The following ABCC4 variants were observed in gnomAD, a reference collection of about 807,000 sequenced individuals.
ABCC4 encodes ATP binding cassette subfamily C member 4 (PEL blood group), also known as ATP-binding cassette sub-family C member 4.
A neutral mutation model predicts 168.5 loss-of-function variants in ABCC4; 102 were observed. The observed-to-expected ratio is 0.61, with a 90% CI of 0.52 to 0.71. ABCC4 has a LOEUF of 0.71. Ranked by LOEUF, ABCC4 falls within the 30% of genes least tolerant of loss-of-function variation. The probability of loss-of-function intolerance (pLI) is 0.00; values close to 1 mark genes in which losing one functional copy is unlikely to be tolerated. For missense variants in ABCC4, 1,402 were observed against 1,605.8 expected (o/e 0.87, Z 2.17); for synonymous variants, 617 against 590.7 (o/e 1.04, Z -0.65).
intron 20 of ABCC4, among the ~76,000 whole-genome samples, chr13:95,099,061 C>T (rs571953027): frequency 1.8e-4 from 28 of 152,282 alleles, no homozygotes; most frequent in Non-Finnish European, 3.2e-4. Context: ...ATGTAGTGTA[C>T]CCATAAACAC....
At chr13:95,277,769 A>G (rs2041008680) in intron 1 of ABCC4, among the ~76,000 whole-genome samples, 1 of 152,048 alleles carries the variant, frequency 6.6e-6, no homozygotes, top group Admixed American at 6.6e-5. Flanking sequence ...TTACAGAAAA[A>G]TCCTTAATGA....
At chr13:95,154,116 G>C (rs1479314326) in intron 19 of ABCC4, among the ~76,000 whole-genome samples, 3 of 152,168 alleles carry the variant, frequency 2.0e-5, no homozygotes, top group Non-Finnish European at 4.4e-5. Flanking sequence ...CATTATGATT[G>C]ATGCAATCTT....
intron 26 of ABCC4, among the ~76,000 whole-genome samples, chr13:95,054,705 T>C (rs1392748660): frequency 6.6e-6 from 1 of 152,164 alleles, no homozygotes; most frequent in African/African-American, 2.4e-5. Flanking sequence ...GGTGAGACTC[T>C]TCCACAGGTA....
chr13:95,217,448 G>T (rs1244803908), intron 4 of ABCC4, among the ~76,000 whole-genome samples: 1 of 152,084 alleles, frequency 6.6e-6, no homozygotes, highest in Non-Finnish European at 1.5e-5. Context: ...AACAGAAGAT[G>T]CGGCTGGGCA....
At position 95,044,283 on chromosome 13, in the gene ABCC4, C is replaced by A. The variant is rs145958534; in HGVS notation, c.3612G>T (p.Thr1204=). ...CTTTATACCTTGGATCCACATTTGC[C>A]GTCGCTTCATCAATAATCAATATCT... ...KNQILIIDEA[T]ANVDPRTDEL... Residue 1204 remains threonine, a synonymous_variant, in exon 28 of 31, where the codon ACG becomes ACT. Coordinates refer to ENST00000645237, the MANE Select transcript of ABCC4 (RefSeq NM_005845.5). 6.2e-6 allele frequency: 10 copies of A among 1,611,586 alleles called. No homozygotes were observed. The African/African-American group carries it at 1.3e-4, about 22-fold the overall frequency.
At chr13:95,219,197 C>T (rs924563243) in intron 4 of ABCC4, among the ~76,000 whole-genome samples, 16 of 152,312 alleles carry the variant, frequency 1.1e-4, no homozygotes, top group Admixed American at 9.8e-4. Context: ...CACATCCCCC[C>T]ACCATGGCTG....
chr13:95,134,719 C>CA (rs780942539), intron 19 of ABCC4, among the ~76,000 whole-genome samples: 2 of 151,076 alleles, frequency 1.3e-5, no homozygotes, highest in Non-Finnish European at 2.9e-5. Context: ...GACTCTGTCT[C>CA]AAAAAAATTT....
At chr13:95,222,582 C>T (rs898846101) in intron 4 of ABCC4, among the ~76,000 whole-genome samples, 5 of 152,124 alleles carry the variant, frequency 3.3e-5, no homozygotes, top group South Asian at 4.1e-4. Context: ...AGGTCAAGGC[C>T]GCCCAAGCCT....
At chr13:95,235,907 CA>C (rs935184579) in intron 3 of ABCC4, among the ~76,000 whole-genome samples, 20 of 152,282 alleles carry the variant, frequency 1.3e-4, no homozygotes, top group African/African-American at 4.8e-4. Flanking sequence ...CTTTATCAGC[CA>C]TATTTTGAAG....
At chr13:95,120,417 C>T (rs1370163813) in intron 19 of ABCC4, among the ~76,000 whole-genome samples, 3 of 151,664 alleles carry the variant, frequency 2.0e-5, no homozygotes, top group East Asian at 1.9e-4. Context: ...CTACAAAATA[C>T]TTAGGTGGGC....
intron 3 of ABCC4, among the ~76,000 whole-genome samples, chr13:95,244,872 C>T (rs2040065966): frequency 6.9e-6 from 1 of 145,306 alleles, no homozygotes; most frequent in Non-Finnish European, 1.5e-5. Flanking sequence ...CCACTCCCTA[C>T]TTTTCTGCCA....
intron 25 of ABCC4, among the ~76,000 whole-genome samples, chr13:95,065,437 A>C (rs774431629): frequency 6.6e-6 from 1 of 152,212 alleles, no homozygotes; most frequent in Non-Finnish European, 1.5e-5. Context: ...GTTCCTAAAG[A>C]TATAATCTCA....
At chr13:95,115,844 C>T in intron 20 of ABCC4, 78 bp downstream of exon 20, 7 of 1,215,166 alleles carry the variant, frequency 5.8e-6, no homozygotes, top group Non-Finnish European at 8.4e-6. Context: ...GTCCCACCCC[C>T]AGACCCCATG....
chr13:95,042,068 G>A (rs1477382191), intron 29 of ABCC4, among the ~76,000 whole-genome samples: 1 of 152,154 alleles, frequency 6.6e-6, no homozygotes, highest in Admixed American at 6.5e-5. Flanking sequence ...TGGAGAGATC[G>A]CCATAGATGG....
chr13:95,122,455 A>C (rs989272467), intron 19 of ABCC4, among the ~76,000 whole-genome samples: 5 of 152,328 alleles, frequency 3.3e-5, no homozygotes, highest in African/African-American at 1.2e-4. Flanking sequence ...AATTACCAGC[A>C]TGTCTTTACT....
At chr13:95,115,875 G>T in intron 20 of ABCC4, 47 bp downstream of exon 20, 3 of 1,529,846 alleles carry the variant, frequency 2.0e-6, no homozygotes, top group Non-Finnish European at 2.7e-6. Context: ...GAAAAAATAG[G>T]AACTTCCGTT....
intron 19 of ABCC4, among the ~76,000 whole-genome samples, chr13:95,117,501 G>C (rs2035419844): frequency 6.9e-6 from 1 of 144,356 alleles, no homozygotes; most frequent in Admixed American, 6.8e-5. Context: ...TGCAGGGCAA[G>C]AGGTCAGGCT....
intron 4 of ABCC4, among the ~76,000 whole-genome samples, chr13:95,220,444 A>G (rs1342476009): frequency 1.3e-5 from 2 of 152,230 alleles, no homozygotes; most frequent in Non-Finnish European, 2.9e-5. Context: ...AACAGTACAC[A>G]GTACTGTAAT....
At chr13:95,134,149 T>A (rs1043462744) in intron 19 of ABCC4, among the ~76,000 whole-genome samples, 1 of 152,038 alleles carries the variant, frequency 6.6e-6, no homozygotes, top group Non-Finnish European at 1.5e-5. Context: ...GCAGTAACCA[T>A]CCTAGCCCTC....
Sources: gnomAD v4.1 joint callset for allele counts (sites outside exome capture counted in the v4.1 genomes callset) on GRCh38, gnomAD v4.1.1 for gene constraint, MANE v1.5 for transcripts, NCBI Gene and HGNC (gene_info 2026-07-23, HGNC 2026-07-21) for gene names.